The following CNTN5 variants were observed in gnomAD, a reference collection of about 807,000 sequenced individuals.
CNTN5 encodes contactin 5.
Under a neutral mutation model 129.1 loss-of-function variants are expected in CNTN5, and 77 were observed. The ratio of observed to expected loss-of-function variants is 0.60; its 90% CI spans 0.50 to 0.72. The LOEUF (loss-of-function observed/expected upper bound fraction) is 0.72. Ranked by LOEUF, CNTN5 falls within the 30% of genes least tolerant of loss-of-function variation. CNTN5 has a pLI of 0.00. For missense variants in CNTN5, 1,478 were observed against 1,328.8 expected, an observed-to-expected ratio of 1.11 and a Z score of -1.75; for synonymous variants, 509 against 465.6, an observed-to-expected ratio of 1.09 and a Z score of -1.20.
At chr11:99,276,214 T>G (rs1565456212) in intron 1 of CNTN5, among the ~76,000 whole-genome samples, 1 of 151,780 alleles carries the variant, frequency 6.6e-6, no homozygotes, top group Non-Finnish European at 1.5e-5. Context: ...TTAAAACATT[T>G]GTCGCATTCA....
At chr11:100,070,697 T>G (rs944524010) in intron 11 of CNTN5, 137 bp downstream of exon 11, 1 of 662,934 alleles carries the variant, frequency 1.5e-6, no homozygotes, top group Non-Finnish European at 2.5e-6. Flanking sequence ...GTGTTAAGGA[T>G]GAATGTTACG....
intron 1 of CNTN5, among the ~76,000 whole-genome samples, chr11:99,197,390 T>A (rs1157338453): frequency 6.6e-6 from 1 of 152,040 alleles, no homozygotes; most frequent in Non-Finnish European, 1.5e-5. Context: ...CTGTTTTCTA[T>A]TGAAGTAACA....
chr11:99,481,463 C>T (rs150067856), intron 2 of CNTN5, among the ~76,000 whole-genome samples: 54 of 152,252 alleles, frequency 3.5e-4, no homozygotes, highest in African/African-American at 1.1e-3. Flanking sequence ...GTATCCCTAG[C>T]ATCCTGCACT....
chr11:99,914,922 T>A (rs1284724665), intron 6 of CNTN5, among the ~76,000 whole-genome samples: 2 of 152,122 alleles, frequency 1.3e-5, no homozygotes, highest in African/African-American at 4.8e-5. Context: ...CTCCTTCATA[T>A]CCACTAGTGT....
intron 15 of CNTN5, among the ~76,000 whole-genome samples, chr11:100,204,330 ATATATATATATAT>A (rs1565340584): frequency 3.2e-4 from 36 of 111,294 alleles, no homozygotes; most frequent in Middle Eastern, 4.5e-3. Flanking sequence ...ATATATATAT[ATATATATATATAT>A]AATTATAGGC....
chr11:99,057,532 C>T (rs992588896), intron 1 of CNTN5, among the ~76,000 whole-genome samples: 4 of 151,892 alleles, frequency 2.6e-5, no homozygotes, highest in Admixed American at 6.6e-5. Flanking sequence ...GAGGATGGAT[C>T]GTTTGTTTCA....
chr11:100,205,971 G>A (rs1948903528), intron 15 of CNTN5, among the ~76,000 whole-genome samples: 1 of 152,002 alleles, frequency 6.6e-6, no homozygotes, highest in Non-Finnish European at 1.5e-5. Flanking sequence ...CAGGAGCTGA[G>A]GATTCTGTAT....
At chr11:99,710,587 GTGTGTGTGTGTGTGTATGTATGTA>G (rs1954942699) in intron 3 of CNTN5, among the ~76,000 whole-genome samples, 1 of 138,348 alleles carries the variant, frequency 7.2e-6, no homozygotes, top group African/African-American at 2.6e-5. Context: ...GTGTGTGTGT[GTGTGTGTGTGTGTGTATGTATGTA>G]TGTATGTTTG....
intron 13 of CNTN5, among the ~76,000 whole-genome samples, chr11:100,134,566 T>C (rs987598956): frequency 6.6e-6 from 1 of 152,202 alleles, no homozygotes; most frequent in Non-Finnish European, 1.5e-5. Flanking sequence ...ATTGGGTTCA[T>C]TGGACTACAA....
chr11:99,973,397 A>T (rs1240412723), intron 8 of CNTN5, among the ~76,000 whole-genome samples: 1 of 152,122 alleles, frequency 6.6e-6, no homozygotes, highest in East Asian at 1.9e-4. Flanking sequence ...CTCATAATTG[A>T]GCTGCCATAG....
intron 1 of CNTN5, among the ~76,000 whole-genome samples, chr11:99,125,306 T>C (rs1404192790): frequency 6.6e-6 from 1 of 151,592 alleles, no homozygotes; most frequent in Admixed American, 6.6e-5. Context: ...GTTCAACATT[T>C]GCCAATCAAT....
intron 6 of CNTN5, among the ~76,000 whole-genome samples, chr11:99,904,664 C>G (rs113271874): frequency 1.3e-5 from 2 of 151,976 alleles, no homozygotes; most frequent in East Asian, 1.9e-4. Flanking sequence ...CCCAGTAATG[C>G]GATTGCTGGG....
At chr11:99,150,274 T>C (rs1178025819) in intron 1 of CNTN5, among the ~76,000 whole-genome samples, 2 of 152,092 alleles carry the variant, frequency 1.3e-5, no homozygotes, top group Non-Finnish European at 2.9e-5. Flanking sequence ...TTTGAAATCA[T>C]ATATTTACAT....
intron 3 of CNTN5, among the ~76,000 whole-genome samples, chr11:99,699,747 T>G (rs1954436921): frequency 6.6e-6 from 1 of 151,470 alleles, no homozygotes. Context: ...ACCTTTAGTG[T>G]ACACTCTAAC....
chr11:99,187,789 T>C (rs1565387811), intron 1 of CNTN5, among the ~76,000 whole-genome samples: 1 of 151,906 alleles, frequency 6.6e-6, no homozygotes, highest in African/African-American at 2.4e-5. Context: ...TTTATAGTTT[T>C]TTGGGACTTT....
intron 3 of CNTN5, among the ~76,000 whole-genome samples, chr11:99,776,678 G>A (rs979887087): frequency 1.3e-5 from 2 of 151,386 alleles, no homozygotes; most frequent in Non-Finnish European, 2.9e-5. Flanking sequence ...AGTGGTGCTT[G>A]CATAAATATA....
intron 3 of CNTN5, among the ~76,000 whole-genome samples, chr11:99,599,729 A>G (rs1204205170): frequency 6.6e-6 from 1 of 152,216 alleles, no homozygotes; most frequent in African/African-American, 2.4e-5. Flanking sequence ...TGCATCAATG[A>G]CATAATAAGA....
chr11:99,080,362 G>T (rs1180107930), intron 1 of CNTN5, among the ~76,000 whole-genome samples: 1 of 152,168 alleles, frequency 6.6e-6, no homozygotes, highest in African/African-American at 2.4e-5. Context: ...TAATCACAAA[G>T]TGGTGTGGAG....
At chr11:99,532,449 G>A (rs1286561069) in intron 2 of CNTN5, among the ~76,000 whole-genome samples, 1 of 152,168 alleles carries the variant, frequency 6.6e-6, no homozygotes, top group Non-Finnish European at 1.5e-5. Context: ...TTGGGGGACT[G>A]TTGGGAAGGT....
Sources: allele counts gnomAD v4.1 joint callset (sites outside exome capture counted in the v4.1 genomes callset), GRCh38; gene constraint gnomAD v4.1.1; transcripts MANE v1.5; gene names NCBI Gene and HGNC (gene_info 2026-07-23, HGNC 2026-07-21).